The following TWIST2 variants were observed in gnomAD, a reference collection of about 807,000 sequenced individuals.
TWIST2 encodes twist family bHLH transcription factor 2, also known as twist-related protein 2.
Under a neutral mutation model 11.6 loss-of-function variants are expected in TWIST2, and 1 was observed. That is an observed-to-expected ratio of 0.09 (90% CI 0.03 to 0.41). TWIST2 has a LOEUF of 0.41. TWIST2 is among the 10% of genes least tolerant of loss of function. TWIST2 has a pLI of 0.98. For synonymous variants in TWIST2, 87 were observed against 96.6 expected (o/e 0.90, Z 0.58); for missense variants, 168 against 226.4 (o/e 0.74, Z 1.66).
chr2:238,865,933 G>A lies in TWIST2; in HGVS notation c.*35+17200G>A, dbSNP rs532006968. Among the ~76,000 whole-genome samples, 17 of 152,252 alleles carry A rather than the reference G, an allele frequency of 1.1e-4. No homozygotes were observed. The East Asian group carries it at 1.9e-3, about 17-fold the overall frequency. On this transcript the variant is annotated intron_variant, in intron 1 of 1. Transcript: ENST00000612363. The stretch of plus-strand genomic sequence containing the variant: ...TACAGTGCCCCGCCGGGGTCGGATC[G>A]GCCCTTCTTCCTGGTCCCATCTCCC...
chr2:238,864,371 G>A lies in TWIST2; in HGVS notation c.*35+15638G>A, dbSNP rs959583373. On this transcript the variant is annotated intron_variant, in intron 1 of 1. Coordinates refer to ENST00000612363, the MANE Select transcript of TWIST2 (RefSeq NM_001271893.4). This position sits in a 1 kb window ranked among gnomAD's most constrained non-coding sequence, Gnocchi z 4.7. ...TTAACTGCCAGGGTTAGTCCCCTCC[G>A]CGGGCCTCCTGCATGAATCAGAGCC... 5.3e-5 allele frequency among the ~76,000 whole-genome samples: 8 copies of A among 152,248 alleles called. No individual in the cohort carries two copies. Among genetic ancestry groups the A allele is most frequent in the African/African-American group, 1.4e-4 (6 of 41,458 alleles).
chr2:238,889,943 G>T (rs937644189), intron 1 of TWIST2, among the ~76,000 whole-genome samples: 1 of 151,490 alleles, frequency 6.6e-6, no homozygotes, highest in Non-Finnish European at 1.5e-5. Context: ...CTGGAGAGAA[G>T]AGCTGCCTGG....
At chr2:238,871,474 T>C (rs1199013773) in intron 1 of TWIST2, among the ~76,000 whole-genome samples, 50 of 32,364 alleles carry the variant, frequency 1.5e-3, no homozygotes, top group South Asian at 2.8e-3. Flanking sequence ...ACACACCACA[T>C]CCCTCCCACA....
At chr2:238,884,712 C>T (rs1019727437) in intron 1 of TWIST2, among the ~76,000 whole-genome samples, 10 of 152,214 alleles carry the variant, frequency 6.6e-5, no homozygotes, top group African/African-American at 1.9e-4. Flanking sequence ...TGCTGTCCCA[C>T]GGTCCAGCAG....
intron 1 of TWIST2, among the ~76,000 whole-genome samples, chr2:238,885,952 T>G (rs924342864): frequency 7.9e-5 from 12 of 151,820 alleles, no homozygotes; most frequent in African/African-American, 2.4e-4. Context: ...AAAAATTATC[T>G]GGGCATGGTG....
intron 1 of TWIST2, among the ~76,000 whole-genome samples, chr2:238,892,567 G>A (rs1171173014): frequency 6.6e-6 from 1 of 151,752 alleles, no homozygotes; most frequent in Non-Finnish European, 1.5e-5. Context: ...TGCAACCTCC[G>A]CCTCCCAGAT....
chr2:238,870,137 ACACCCCATACACACCACACC>A (rs1692624808), intron 1 of TWIST2, among the ~76,000 whole-genome samples: 1 of 144,062 alleles, frequency 6.9e-6, no homozygotes, highest in East Asian at 2.1e-4. Flanking sequence ...CACACACACC[ACACCCCATACACACCACACC>A]CCACACACAC....
intron 1 of TWIST2, among the ~76,000 whole-genome samples, chr2:238,870,468 G>C (rs879145313): frequency 0.092 from 351 of 3,810 alleles, no homozygotes; most frequent in Middle Eastern, 0.25. Context: ...CCACACACCC[G>C]ACACACGCCA....
At chr2:238,906,365 C>T (rs968300216) in intron 1 of TWIST2, among the ~76,000 whole-genome samples, 7 of 151,986 alleles carry the variant, frequency 4.6e-5, no homozygotes, top group African/African-American at 1.2e-4. Context: ...GACCCACTCA[C>T]GTGGATGTAC....
chr2:238,850,818 ATAAC>A (rs1244108496), intron 1 of TWIST2, among the ~76,000 whole-genome samples: 2 of 152,232 alleles, frequency 1.3e-5, no homozygotes, highest in African/African-American at 2.4e-5. Context: ...ATACTGGACT[ATAAC>A]TGAGTAGTTC....
At chr2:238,891,790 T>C (rs71426559) in intron 1 of TWIST2, among the ~76,000 whole-genome samples, 40,677 of 151,996 alleles carry the variant, frequency 0.27, 5,651 homozygotes, top group African/African-American at 0.34. Flanking sequence ...CTATTCTCCG[T>C]GTCTCCGCTG....
chr2:238,886,071 G>C (rs112663138), intron 1 of TWIST2, among the ~76,000 whole-genome samples: 1 of 147,672 alleles, frequency 6.8e-6, no homozygotes, highest in Non-Finnish European at 1.5e-5. Context: ...ACTCCAGCCT[G>C]GGTGACAGAG....
chr2:238,892,033 G>A (rs1413119341), intron 1 of TWIST2, among the ~76,000 whole-genome samples: 2 of 152,176 alleles, frequency 1.3e-5, no homozygotes, highest in Non-Finnish European at 2.9e-5. Context: ...GCTTGCCGCT[G>A]AGCCATGCGG....
chr2:238,855,282 GGAA>G (rs1175648074), intron 1 of TWIST2, among the ~76,000 whole-genome samples: 1 of 152,208 alleles, frequency 6.6e-6, no homozygotes, highest in African/African-American at 2.4e-5. Flanking sequence ...GGAAGGGAAA[GGAA>G]GGAGGAGAAG....
chr2:238,876,602 C>T (rs1284230830), intron 1 of TWIST2, among the ~76,000 whole-genome samples: 1 of 152,250 alleles, frequency 6.6e-6, no homozygotes, highest in African/African-American at 2.4e-5. Flanking sequence ...GAGAAACTCT[C>T]TCTCAGTAGG....
chr2:238,861,874 C>T (rs1692442998), intron 1 of TWIST2, among the ~76,000 whole-genome samples: 1 of 152,202 alleles, frequency 6.6e-6, no homozygotes, highest in South Asian at 2.1e-4. Context: ...CCGCTCCATC[C>T]CCCCAGTCTC....
intron 1 of TWIST2, among the ~76,000 whole-genome samples, chr2:238,868,252 G>A (rs911931196): frequency 2.6e-5 from 4 of 152,176 alleles, no homozygotes; most frequent in Non-Finnish European, 5.9e-5. Context: ...CAGCCCCTGG[G>A]CCCTCTCTGG....
chr2:238,909,342 C>T (rs1318181260), intron 1 of TWIST2, among the ~76,000 whole-genome samples: 1 of 152,052 alleles, frequency 6.6e-6, no homozygotes, highest in Non-Finnish European at 1.5e-5. Context: ...AAGCAAGAAT[C>T]CGCCGTTGAC....
At chr2:238,892,138 T>C (rs1371193968) in intron 1 of TWIST2, among the ~76,000 whole-genome samples, 1 of 152,070 alleles carries the variant, frequency 6.6e-6, no homozygotes, top group African/African-American at 2.4e-5. Flanking sequence ...GTACATGGGC[T>C]GAGCCAGGCA....
Sources: gnomAD v4.1 joint callset for allele counts (sites outside exome capture counted in the v4.1 genomes callset) on GRCh38, gnomAD v4.1.1 for gene constraint, Gnocchi (gnomAD v3.1) non-coding constraint, MANE v1.5 for transcripts, NCBI Gene and HGNC (gene_info 2026-07-23, HGNC 2026-07-21) for gene names.